The following BRD1 variants were observed in gnomAD, a reference collection of about 807,000 sequenced individuals.
The protein encoded by BRD1 is bromodomain containing 1.
In BRD1, 24 loss-of-function variants were observed where a neutral mutation model predicts 107.7. The observed-to-expected ratio is 0.22, with a 90% confidence interval of 0.16 to 0.31. The LOEUF (loss-of-function observed/expected upper bound fraction) is 0.31, where lower values mean the gene tolerates loss of function less well. Among genes scored for constraint, BRD1 ranks in the 10% least tolerant of loss-of-function variants. The pLI is 1.00. For synonymous variants in BRD1, 744 were observed against 686.1 expected (o/e 1.08, Z -1.32); for missense variants, 1,279 against 1,638.6 (o/e 0.78, Z 3.79).
chr22:49,818,352 T>A (rs900305201), intron 2 of BRD1: 1 of 1,251,214 alleles, frequency 8.0e-7, no homozygotes, highest in Admixed American at 2.5e-5. Flanking sequence ...CAGTCTCTTT[T>A]AAGACACTTT....
intron 6 of BRD1, among the ~76,000 whole-genome samples, chr22:49,797,236 G>A (rs1226460056): frequency 1.3e-5 from 2 of 152,246 alleles, no homozygotes; most frequent in African/African-American, 4.8e-5. Flanking sequence ...CCAGGCTGGA[G>A]TCCAGGTGGG....
rs138154621 is a variant in BRD1, at chr22:49,777,035, G to A, written c.3120C>T (p.Ala1040=). The A allele has an allele frequency of 8.5e-5, 137 of 1,613,080 alleles. No homozygotes were observed. The East Asian group carries it at 1.9e-3, about 22-fold the overall frequency. The change falls in exon 10 of 13, where the codon GCC becomes GCT. Residue 1040 remains alanine (A), a splice_region_variant and synonymous_variant. Transcript: ENST00000404760. ...TGGAGGCAGGTCCGGGCGACTCACC[G>A]GCTGCGATCCTGGCCGCCTTGGCGT... ...GNYAKAARIA[A]EVGQSSMWIS... is the part of the protein sequence containing the mutation.
intron 2 of BRD1, chr22:49,818,498 G>T: frequency 1.9e-6 from 1 of 535,676 alleles, no homozygotes; most frequent in Non-Finnish European, 2.5e-6. Context: ...GAACTCTCAT[G>T]TGAATGAGTC....
intron 1 of BRD1, among the ~76,000 whole-genome samples, chr22:49,827,260 C>T (rs1327460621): frequency 1.3e-5 from 2 of 149,998 alleles, no homozygotes; most frequent in African/African-American, 2.4e-5. Context: ...CCCGGCCTCC[C>T]CGTCTTCCCG....
At chr22:49,813,109 G>T (rs2059883661) in intron 2 of BRD1, among the ~76,000 whole-genome samples, 1 of 152,194 alleles carries the variant, frequency 6.6e-6, no homozygotes, top group African/African-American at 2.4e-5. Flanking sequence ...TCCTCGAGGT[G>T]GCCGGGCACC....
chr22:49,811,432 G>A (rs935128436), intron 2 of BRD1, among the ~76,000 whole-genome samples: 1 of 152,172 alleles, frequency 6.6e-6, no homozygotes, highest in Non-Finnish European at 1.5e-5. Context: ...CTTAACCAAG[G>A]GGGATGGTTC....
chr22:49,786,562 G>A (rs942683046), intron 8 of BRD1, among the ~76,000 whole-genome samples: 5 of 152,192 alleles, frequency 3.3e-5, no homozygotes, highest in Admixed American at 6.5e-5. Context: ...ATAAAACAAT[G>A]AGTAAATGTT....
intron 8 of BRD1, among the ~76,000 whole-genome samples, chr22:49,778,101 G>C (rs1240003042): frequency 6.6e-6 from 1 of 152,226 alleles, no homozygotes; most frequent in East Asian, 1.9e-4. Flanking sequence ...CTTTAGACAG[G>C]CTCTGTGAAG....
At chr22:49,793,827 G>A (rs2059478803) in intron 7 of BRD1, among the ~76,000 whole-genome samples, 1 of 152,262 alleles carries the variant, frequency 6.6e-6, no homozygotes, top group African/African-American at 2.4e-5. Flanking sequence ...AACACAGACA[G>A]CACAAATGAT....
intron 2 of BRD1, among the ~76,000 whole-genome samples, chr22:49,818,919 C>G (rs1276912404): frequency 2.6e-5 from 4 of 151,862 alleles, no homozygotes; most frequent in Non-Finnish European, 5.9e-5. Flanking sequence ...AGGTGCAACT[C>G]AATCCGTTAA....
intron 9 of BRD1, 85 bp downstream of exon 9, chr22:49,777,593 G>A (rs1394960559): frequency 2.4e-5 from 37 of 1,529,254 alleles, no homozygotes; most frequent in Non-Finnish European, 3.3e-5. Context: ...GATGGGAGCT[G>A]GAATGTCCCG....
Position 49,798,665 on chromosome 22 carries a change from T to A in BRD1, c.1678A>T (p.Met560Leu). ...GTCAGCGGGGTCAGCCGCAGCTCCA[T>A]GGCGACCTGCTCCACCTTCACCTGG... ...REQVKVEQVA[M>L]ELRLTPLTVL... is the part of the protein sequence containing the mutation. Residue 560 changes from methionine to leucine, a missense_variant, in exon 5 of 13, where the codon ATG becomes TTG. Transcript: ENST00000404760. 1 of 1,610,154 alleles carries A rather than the reference T, an allele frequency of 6.2e-7. No homozygotes were observed. Among genetic ancestry groups the A allele is most frequent in the Non-Finnish European group, 8.5e-7 (1 of 1,178,422 alleles).
At chr22:49,785,939 A>G (rs78873605) in intron 8 of BRD1, among the ~76,000 whole-genome samples, 2,329 of 152,300 alleles carry the variant, frequency 0.015, 73 homozygotes, top group African/African-American at 0.053. Context: ...CAGAAGGAAC[A>G]GGGACAAGAT....
chr22:49,776,598 C>T (rs1320177815), intron 10 of BRD1, among the ~76,000 whole-genome samples: 2 of 152,264 alleles, frequency 1.3e-5, no homozygotes, highest in Admixed American at 6.5e-5. Flanking sequence ...CGTCCTGATG[C>T]CCCCTCACAG....
intron 12 of BRD1, 70 bp from the exon 13 acceptor site, chr22:49,774,486 A>T (rs1021619600): frequency 6.7e-7 from 1 of 1,496,254 alleles, no homozygotes. Flanking sequence ...CCATGTAATC[A>T]TCTAACAAAT....
At chr22:49,811,098 G>A (rs74280003) in intron 2 of BRD1, among the ~76,000 whole-genome samples, 2,066 of 152,256 alleles carry the variant, frequency 0.014, 26 homozygotes, top group African/African-American at 0.034. Flanking sequence ...CAGGGGGCAC[G>A]ATGGATGGAC....
chr22:49,804,457 T>C lies in BRD1; in HGVS notation c.1368-97A>G, dbSNP rs761346892. On this transcript the variant is annotated intron_variant, in intron 2 of 12. Transcript: ENST00000404760. ...CAGTACTACTGCTAACAAAACCATGTGTTCATACTTTTTCTCCCTAAGCCA... is the reference window on the plus strand; with the variant it reads ...CAGTACTACTGCTAACAAAACCATGCGTTCATACTTTTTCTCCCTAAGCCA... The C allele has an allele frequency of 8.4e-5, 116 of 1,383,362 alleles. 1 individual carries two copies. The Admixed American group carries it at 1.2e-3, about 15-fold the overall frequency. 85.7% of individuals were successfully genotyped at this position (1,383,362 alleles called of 1,614,324 possible).
At chr22:49,787,321 A>T in intron 8 of BRD1, 69 bp downstream of exon 8, 1 of 579,316 alleles carries the variant, frequency 1.7e-6, no homozygotes, top group Non-Finnish European at 2.6e-6. Flanking sequence ...CCGTCACACC[A>T]ATGATCCTGA....
intron 2 of BRD1, among the ~76,000 whole-genome samples, chr22:49,811,574 C>T (rs557275505): frequency 1.4e-4 from 22 of 152,336 alleles, no homozygotes; most frequent in Admixed American, 2.6e-4. Flanking sequence ...GTTAGATTCA[C>T]GCTCCCGGCA....
Sources: allele counts gnomAD v4.1 joint callset (sites outside exome capture counted in the v4.1 genomes callset), GRCh38; gene constraint gnomAD v4.1.1; transcripts MANE v1.5; gene names NCBI Gene and HGNC (gene_info 2026-07-23, HGNC 2026-07-21).